PGM1: variants seen among roughly 807,000 people sequenced by gnomAD.
PGM1 encodes phosphoglucomutase 1, also known as phosphoglucomutase-1.
A neutral mutation model predicts 55.6 loss-of-function variants in PGM1; 52 were observed. The observed-to-expected ratio is 0.94, with a 90% CI of 0.75 to 1.18. The LOEUF is 1.18. PGM1 is among the 50% of genes most tolerant of loss of function. The probability of loss-of-function intolerance (pLI) is 0.00; values close to 1 mark genes in which losing one functional copy is unlikely to be tolerated. For missense variants in PGM1, 724 were observed against 729.3 expected, an observed-to-expected ratio of 0.99 and a Z score of 0.08; for synonymous variants, 287 against 271.7, an observed-to-expected ratio of 1.06 and a Z score of -0.55.
intron 7 of PGM1, among the ~76,000 whole-genome samples, chr1:63,644,144 G>C (rs750634578): frequency 1.9e-4 from 29 of 152,176 alleles, no homozygotes; most frequent in Non-Finnish European, 3.7e-4. Context: ...CATTTTTCTT[G>C]GCTGAGACCC....
chr1:63,629,713 T>C, intron 2 of PGM1, 126 bp downstream of exon 2: 3 of 1,007,522 alleles, frequency 3.0e-6, no homozygotes, highest in Non-Finnish European at 1.5e-6. Flanking sequence ...TGCTCTTTGC[T>C]TCCTTTCAGT....
intron 7 of PGM1, among the ~76,000 whole-genome samples, chr1:63,643,373 AAAGTG>A (rs1649567192): frequency 6.6e-6 from 1 of 152,206 alleles, no homozygotes; most frequent in Non-Finnish European, 1.5e-5. Flanking sequence ...TGTTGAGTGT[AAAGTG>A]AAGTTTGTGT....
At chr1:63,653,166 G>T (rs1174128427) in intron 9 of PGM1, among the ~76,000 whole-genome samples, 1 of 152,206 alleles carries the variant, frequency 6.6e-6, no homozygotes, top group African/African-American at 2.4e-5. Context: ...GAAAGCAGCT[G>T]CCCCACTTTC....
At chr1:63,599,311 G>A (rs1413138967) in intron 1 of PGM1, among the ~76,000 whole-genome samples, 13 of 152,094 alleles carry the variant, frequency 8.5e-5, no homozygotes, top group Middle Eastern at 6.8e-3. Flanking sequence ...GACTACAGGC[G>A]TGCACCACCA....
chr1:63,597,048 T>C (rs1648096519), intron 1 of PGM1, among the ~76,000 whole-genome samples: 1 of 152,182 alleles, frequency 6.6e-6, no homozygotes, highest in Non-Finnish European at 1.5e-5. Flanking sequence ...TTTTTGCCCT[T>C]GGGAAAGACA....
At chr1:63,631,412 C>T (rs992347354) in intron 3 of PGM1, among the ~76,000 whole-genome samples, 3 of 152,152 alleles carry the variant, frequency 2.0e-5, no homozygotes, top group African/African-American at 4.8e-5. Context: ...CTTCACACGT[C>T]GAGTTTCCTC....
At chr1:63,605,980 A>G (rs1648406832) in intron 1 of PGM1, among the ~76,000 whole-genome samples, 2 of 152,210 alleles carry the variant, frequency 1.3e-5, no homozygotes, top group South Asian at 2.1e-4. Flanking sequence ...TGATGGCACA[A>G]ATTCCTGGAC....
intron 1 of PGM1, among the ~76,000 whole-genome samples, chr1:63,624,509 C>A (rs1369194614): frequency 6.6e-6 from 1 of 152,180 alleles, no homozygotes; most frequent in Admixed American, 6.5e-5. Context: ...TCTAACAATT[C>A]GTGCAGCCCA....
intron 1 of PGM1, chr1:63,623,120 A>G: frequency 1.4e-6 from 1 of 737,564 alleles, no homozygotes; most frequent in South Asian, 5.1e-5. Flanking sequence ...GGCTGCATGC[A>G]GCACTCCTTG....
At chr1:63,659,154 A>G in intron 10 of PGM1, among the ~76,000 whole-genome samples, 1 of 152,180 alleles carries the variant, frequency 6.6e-6, no homozygotes, top group Non-Finnish European at 1.5e-5. Flanking sequence ...CCCATTGGGA[A>G]CAGTGTGGGA....
intron 1 of PGM1, among the ~76,000 whole-genome samples, chr1:63,606,117 G>C (rs1297287435): frequency 6.6e-6 from 1 of 152,194 alleles, no homozygotes; most frequent in African/African-American, 2.4e-5. Flanking sequence ...CTTTATTGTA[G>C]CAAGAGGTAG....
intron 1 of PGM1, among the ~76,000 whole-genome samples, chr1:63,626,678 G>A (rs1266072678): frequency 6.6e-6 from 1 of 151,886 alleles, no homozygotes; most frequent in Non-Finnish European, 1.5e-5. Flanking sequence ...AGATTGCAAT[G>A]TCATCTTTGA....
rs531352182 is a variant in PGM1 at position 63,641,169 on chromosome 1, T to C, written c.1144+2369T>C. 2.6e-5 allele frequency among the ~76,000 whole-genome samples: 4 copies of C among 152,346 alleles called. No individual in the cohort carries two copies. In the South Asian group the frequency reaches 8.3e-4, roughly 32 times the overall value. On this transcript the variant is annotated intron_variant, in intron 7 of 10. Transcript: ENST00000371084. ...TATTGTTAAAGTTTGTTCTCATTTA[T>C]TAACACATTCAACAAATACCTAGTA... is the stretch of plus-strand genomic sequence containing the variant.
chr1:63,597,252 G>A (rs181896042), intron 1 of PGM1, among the ~76,000 whole-genome samples: 4 of 152,308 alleles, frequency 2.6e-5, no homozygotes, highest in Admixed American at 2.6e-4. Context: ...GAGTGGGTTT[G>A]TCTGGTAGGA....
chr1:63,629,957 C>T lies in PGM1; in HGVS notation c.425C>T (p.Ala142Val), dbSNP rs1276461747. Residue 142 changes from alanine to valine, a missense_variant, in exon 3 of 11, where the codon GCA becomes GTA. Physicochemically the swap from Ala to Val is moderately conservative, Grantham distance 64. Around this residue, in one of 3 missense-constraint regions of PGM1, gnomAD observed 379 missense variants for 357.5 expected, o/e 1.06. Coordinates refer to ENST00000371084, the MANE Select transcript of PGM1 (RefSeq NM_002633.3). Reference protein sequence around the residue: ...NISNGGPAPEAITDKIFQISK... With the variant: ...NISNGGPAPEVITDKIFQISK... ...TGGTTTCCAGGTCCTGCTCCAGAAGCAATAACTGATAAAATTTTCCAAATC... is the reference window on the plus strand; with the variant it reads ...TGGTTTCCAGGTCCTGCTCCAGAAGTAATAACTGATAAAATTTTCCAAATC... 3.7e-6 allele frequency: 6 copies of T among 1,613,884 alleles called. No homozygotes were observed. Among genetic ancestry groups the T allele is most frequent in the African/African-American group, 2.7e-5 (2 of 74,880 alleles).
chr1:63,638,846 T>G, intron 7 of PGM1, 46 bp downstream of exon 7: 1 of 1,330,826 alleles, frequency 7.5e-7, no homozygotes, highest in South Asian at 1.2e-5. Flanking sequence ...GTAACCACTA[T>G]TTCCAGTAAA....
chr1:63,638,183 C>T (rs1185220251), intron 6 of PGM1, among the ~76,000 whole-genome samples: 4 of 152,140 alleles, frequency 2.6e-5, no homozygotes, highest in Non-Finnish European at 5.9e-5. Flanking sequence ...GCAGCACTGA[C>T]CAGAGAGCTG....
chr1:63,648,750 A>G (rs1488253545), intron 8 of PGM1, 98 bp downstream of exon 8: 1 of 1,303,716 alleles, frequency 7.7e-7, no homozygotes, highest in East Asian at 2.3e-5. Flanking sequence ...GTGCTAATAA[A>G]ACCCTAGGTC....
At chr1:63,631,599 TATA>T (rs1467353489) in intron 3 of PGM1, 55 bp from the exon 4 acceptor site, 2 of 1,537,688 alleles carry the variant, frequency 1.3e-6, no homozygotes, top group South Asian at 1.1e-5. Flanking sequence ...CACATCAGAA[TATA>T]ATATTTCTAA....
Sources: allele counts gnomAD v4.1 joint callset (sites outside exome capture counted in the v4.1 genomes callset), GRCh38; gene constraint gnomAD v4.1.1; regional missense constraint gnomAD v4.1.1; transcripts MANE v1.5; gene names NCBI Gene and HGNC (gene_info 2026-07-23, HGNC 2026-07-21).